The following KDM1B variants were observed in gnomAD, a reference collection of about 807,000 sequenced individuals.
KDM1B encodes the protein lysine-specific histone demethylase 2.
KDM1B carries 63 observed loss-of-function variants against 107.4 expected under a neutral mutation model. The ratio of observed to expected loss-of-function variants is 0.59; its 90% CI spans 0.48 to 0.72. The LOEUF (loss-of-function observed/expected upper bound fraction) is 0.72. Among genes scored for constraint, KDM1B ranks in the 30% least tolerant of loss-of-function variants. The probability of loss-of-function intolerance (pLI) is 0.00; values close to 1 mark genes in which losing one functional copy is unlikely to be tolerated. For synonymous variants in KDM1B, 363 were observed against 363.9 expected (o/e 1.00, Z 0.03); for missense variants, 749 against 1,020.8 (o/e 0.73, Z 3.63).
At chr6:18,181,374 A>G (rs180758277) in intron 7 of KDM1B, among the ~76,000 whole-genome samples, 4 of 152,362 alleles carry the variant, frequency 2.6e-5, no homozygotes, top group Admixed American at 2.6e-4. Flanking sequence ...AAAGGAAGCC[A>G]AAGTGAAATA....
chr6:18,172,994 G>A lies in KDM1B; in HGVS notation c.534+1515G>A, dbSNP rs1785754448. On this transcript the variant is annotated intron_variant, in intron 7 of 21. Coordinates refer to ENST00000650836, the MANE Select transcript of KDM1B (RefSeq NM_001364614.2). This position sits in a 1 kb window ranked among gnomAD's most constrained non-coding sequence, Gnocchi z 5.2. ...AATCTCAGCTACTCGGGAGGCTAAG[G>A]TAGGAGAATCACTTGAACCCGGGAG... is the stretch of plus-strand genomic sequence containing the variant. Among the ~76,000 whole-genome samples, 1 of 151,702 alleles carries A rather than the reference G, an allele frequency of 6.6e-6. No homozygotes were observed. Among genetic ancestry groups the A allele is most frequent in the African/African-American group, 2.4e-5 (1 of 41,272 alleles).
chr6:18,194,663 C>T (rs959210301), intron 10 of KDM1B, among the ~76,000 whole-genome samples: 2 of 151,008 alleles, frequency 1.3e-5, no homozygotes, highest in African/African-American at 4.9e-5. Flanking sequence ...TATTTTTTTC[C>T]TTCTTATTTT....
rs1682669238 is a variant in KDM1B, at chr6:18,212,973, C to T, written c.1983+369C>T. 6.6e-6 allele frequency among the ~76,000 whole-genome samples: 1 copy of T among 152,056 alleles called. No homozygotes were observed. Among genetic ancestry groups the T allele is most frequent in the Admixed American group, 6.6e-5 (1 of 15,256 alleles). On this transcript the variant is annotated intron_variant, in intron 18 of 21. Transcript: ENST00000650836. This position sits in a 1 kb window ranked among gnomAD's most constrained non-coding sequence, Gnocchi z 5.2. ...CTCCTGCCTTTAATATCTCCTGTAGCAGAATGGGCCAGTGCTGCAGCAGAT... is the reference window on the plus strand; with the variant it reads ...CTCCTGCCTTTAATATCTCCTGTAGTAGAATGGGCCAGTGCTGCAGCAGAT...
chr6:18,212,320 C>A lies in KDM1B; in HGVS notation c.1867-168C>A, dbSNP rs527292185. 4.5e-6 allele frequency: 3 copies of A among 660,772 alleles called. No individual in the cohort carries two copies. The highest frequency in any genetic ancestry group is 5.0e-5 in the East Asian group (2 of 39,772). 40.9% of individuals were successfully genotyped at this position (660,772 alleles called of 1,614,324 possible). A position where few individuals can be genotyped will look rare whatever the true frequency, so the allele number is the denominator to read the frequency against. On this transcript the variant is annotated intron_variant, in intron 17 of 21. Transcript: ENST00000650836. The surrounding 1 kb of genome is among the most constrained non-coding windows in gnomAD (Gnocchi z 5.2). ...TGCCCACTCTTCCCTGTGGTTGCCA[C>A]TTCTGCTTAGCCAGGCATTGGCACC...
In KDM1B at chr6:18,200,083, A is replaced by C. The variant is rs1361795145; in HGVS notation, c.1222-356A>C. 6.6e-6 allele frequency among the ~76,000 whole-genome samples: 1 copy of C among 152,162 alleles called. No individual in the cohort carries two copies. Among genetic ancestry groups the C allele is most frequent in the Non-Finnish European group, 1.5e-5 (1 of 68,028 alleles). Reference sequence around the variant, plus strand: ...GAGACAGGGTTTCACCATGTTGGCCAAACTGGTCACAAACTCTTGGCCTCA... The same window carrying C: ...GAGACAGGGTTTCACCATGTTGGCCCAACTGGTCACAAACTCTTGGCCTCA... On this transcript the variant is annotated intron_variant, in intron 12 of 21. Coordinates refer to ENST00000650836, the MANE Select transcript of KDM1B (RefSeq NM_001364614.2). The surrounding 1 kb of genome is among the most constrained non-coding windows in gnomAD (Gnocchi z 4.3).
chr6:18,198,362 A>G (rs1787792296), intron 12 of KDM1B, among the ~76,000 whole-genome samples: 1 of 151,604 alleles, frequency 6.6e-6, no homozygotes, highest in African/African-American at 2.4e-5. Flanking sequence ...AAATCTATTT[A>G]TTTATTTTGA....
At chr6:18,190,447 A>T (rs1477563111) in intron 9 of KDM1B, among the ~76,000 whole-genome samples, 6 of 150,952 alleles carry the variant, frequency 4.0e-5, no homozygotes, top group Non-Finnish European at 7.4e-5. Flanking sequence ...AAAAAAAAAA[A>T]AAAAATTAGC....
rs528451430 is a variant in KDM1B, at chr6:18,172,130, G to C, written c.534+651G>C. The stretch of plus-strand genomic sequence containing the variant: ...CACTAAACAAAGCCGGATCCTATTA[G>C]TGAGGAAGAAAAGATTAATTGATAT... On this transcript the variant is annotated intron_variant, in intron 7 of 21. Coordinates refer to ENST00000650836, the MANE Select transcript of KDM1B (RefSeq NM_001364614.2). This position sits in a 1 kb window ranked among gnomAD's most constrained non-coding sequence, Gnocchi z 5.2. Among the ~76,000 whole-genome samples, 4 of 152,314 alleles carry C rather than the reference G, an allele frequency of 2.6e-5. No homozygotes were observed. Among genetic ancestry groups the C allele is most frequent in the Non-Finnish European group, 4.4e-5 (3 of 68,034 alleles).
rs543707064 is a variant in KDM1B at position 18,176,307 on chromosome 6, A to G, written c.534+4828A>G. The stretch of plus-strand genomic sequence containing the variant: ...ACTGATCTGTGTACATTAATCTTGT[A>G]TCTGGAAACTTTGCTAACTTCTTTT... On this transcript the variant is annotated intron_variant, in intron 7 of 21. Transcript: ENST00000650836. Among the ~76,000 whole-genome samples the G allele has an allele frequency of 2.4e-3, 358 of 152,276 alleles. 1 individual carries two copies. Among genetic ancestry groups the G allele is most frequent in the African/African-American group, 8.2e-3 (340 of 41,546 alleles).
rs1160867312 is a variant in KDM1B, at chr6:18,211,029, T to G, written c.1867-1459T>G. Among the ~76,000 whole-genome samples, 1 of 152,192 alleles carries G rather than the reference T, an allele frequency of 6.6e-6. No homozygotes were observed. Among genetic ancestry groups the G allele is most frequent in the Non-Finnish European group, 1.5e-5 (1 of 68,024 alleles). ...AAGGGGAAAAAAATCTAGATTTTATTTATTTTCTTGCAATTTAATTGGATA... is the reference window on the plus strand; with the variant it reads ...AAGGGGAAAAAAATCTAGATTTTATGTATTTTCTTGCAATTTAATTGGATA... On this transcript the variant is annotated intron_variant, in intron 17 of 21. Transcript: ENST00000650836. The surrounding 1 kb of genome is among the most constrained non-coding windows in gnomAD (Gnocchi z 5.2).
Position 18,212,830 on chromosome 6 carries a change from T to C in KDM1B, c.1983+226T>C, listed in dbSNP as rs1788949327. ...GTTTTGACTTTAGGAGAAAGAATCT[T>C]GTTATTCACAATTTGAATTTGGTAT... On this transcript the variant is annotated intron_variant, in intron 18 of 21. Transcript: ENST00000650836. This position sits in a 1 kb window ranked among gnomAD's most constrained non-coding sequence, Gnocchi z 5.2. Among the ~76,000 whole-genome samples, 1 of 152,236 alleles carries C rather than the reference T, an allele frequency of 6.6e-6. No individual in the cohort carries two copies. Among genetic ancestry groups the C allele is most frequent in the African/African-American group, 2.4e-5 (1 of 41,464 alleles).
intron 10 of KDM1B, among the ~76,000 whole-genome samples, chr6:18,193,298 CTTTTTTT>C (rs61133563): frequency 3.3e-5 from 3 of 90,076 alleles, no homozygotes; most frequent in Non-Finnish European, 4.4e-5. Context: ...TGTGTGCTTT[CTTTTTTT>C]TTTTTTTTTT....
rs1405376116 is a variant in KDM1B, at chr6:18,171,295, G to T, written c.418-68G>T. ...ACAGGTTGGAGAAGATGACCAAGTG[G>T]TGGAGGATAGAAATGGTAACTGAAG... On this transcript the variant is annotated intron_variant, in intron 6 of 21. Coordinates refer to ENST00000650836, the MANE Select transcript of KDM1B (RefSeq NM_001364614.2). 3 of 830,796 alleles carry T rather than the reference G, an allele frequency of 3.6e-6. No homozygotes were observed. In the Admixed American group the frequency reaches 5.1e-5, roughly 14 times the overall value. 51.5% of individuals were successfully genotyped at this position (830,796 alleles called of 1,614,324 possible).
chr6:18,208,646 T>A (rs1390011406), intron 17 of KDM1B, among the ~76,000 whole-genome samples: 3 of 67,248 alleles, frequency 4.5e-5, no homozygotes, highest in Non-Finnish European at 5.9e-5. Context: ...TTTTTTTTTT[T>A]TTTTTTTTTT....
chr6:18,172,856 G>T lies in KDM1B; in HGVS notation c.534+1377G>T, dbSNP rs532475843. ...TGTAATCCCAGCACTTTGGGAGGCC[G>T]AGATGGGCGGATCACCCGAGGTCAG... On this transcript the variant is annotated intron_variant, in intron 7 of 21. Coordinates refer to ENST00000650836, the MANE Select transcript of KDM1B (RefSeq NM_001364614.2). The surrounding 1 kb of genome is among the most constrained non-coding windows in gnomAD (Gnocchi z 5.2). Among the ~76,000 whole-genome samples the T allele has an allele frequency of 1.6e-4, 24 of 152,174 alleles. No homozygotes were observed. Among genetic ancestry groups the T allele is most frequent in the Admixed American group, 1.3e-3 (20 of 15,264 alleles).
rs560357484 is a variant in KDM1B, at chr6:18,222,487, A to G, written c.*495A>G. On this transcript the variant is annotated 3_prime_UTR_variant, in exon 22 of 22. Coordinates refer to ENST00000650836, the MANE Select transcript of KDM1B (RefSeq NM_001364614.2). ...AATATTGAGCTTTTACTTAAAATTT[A>G]GATAGAACTTTTTTTTGGATACAGC... The G allele has an allele frequency of 5.0e-6, 1 of 201,576 alleles. No homozygotes were observed. Among genetic ancestry groups the G allele is most frequent in the Admixed American group, 5.5e-5 (1 of 18,222 alleles). 12.5% of individuals were successfully genotyped at this position (201,576 alleles called of 1,614,324 possible).
rs1306422029 is a variant in KDM1B, at chr6:18,171,364, T to C, written c.419T>C (p.Val140Ala). 48 of 1,512,340 alleles carry C rather than the reference T, an allele frequency of 3.2e-5. No homozygotes were observed. Among genetic ancestry groups the C allele is most frequent in the Non-Finnish European group, 4.1e-5 (45 of 1,087,142 alleles). The allele number at this position is 1,512,340 out of a possible 1,614,324, so 93.7% of individuals were successfully genotyped here. The change falls in exon 7 of 22, where the codon GTT (valine) becomes GCT (alanine). Residue 140 changes from valine (V) to alanine (A), a missense_variant and splice_region_variant. Transcript: ENST00000650836. ...CTTGACTTGATACTTCCCATCTAGG[T>C]TCAGTGTACAAAACCTGAGTGTAGA... Reference protein sequence around the residue: ...FMADQQLPYWVQCTKPECRKW... With the variant: ...FMADQQLPYWAQCTKPECRKW...
rs1234320289 is a variant in KDM1B, at chr6:18,222,149, C to G, written c.*157C>G. On this transcript the variant is annotated 3_prime_UTR_variant, in exon 22 of 22. Transcript: ENST00000650836. ...GATAATGCAAACCTATTTCATCACT[C>G]TAAAAGCACTGACCTCAAAAAACCT... is the stretch of plus-strand genomic sequence containing the variant. 1.3e-6 allele frequency: 1 copy of G among 743,770 alleles called. No homozygotes were observed. The highest frequency in any genetic ancestry group is 1.5e-5 in the South Asian group (1 of 68,370). 46.1% of individuals were successfully genotyped at this position (743,770 alleles called of 1,614,324 possible). A position where few individuals can be genotyped will look rare whatever the true frequency, so the allele number is the denominator to read the frequency against.
rs1235447953 is a variant in KDM1B, at chr6:18,215,131, TGA to T, written c.2232+10_2232+11del. On this transcript the variant is annotated splice_donor_region_variant and intron_variant, in intron 20 of 21. Transcript: ENST00000650836. Reference sequence around the variant, plus strand: ...CTCCGGGAGCTGTTCAAGGAGCAGGTGAGAGAGAGGAAGCCCTCCTTGAAAGG... The same window carrying T: ...CTCCGGGAGCTGTTCAAGGAGCAGGTGAGAGAGGAAGCCCTCCTTGAAAGG... The T allele has an allele frequency of 2.5e-6, 4 of 1,610,566 alleles. No individual in the cohort carries two copies. Among genetic ancestry groups the T allele is most frequent in the Non-Finnish European group, 8.5e-7 (1 of 1,179,212 alleles).
Sources: gnomAD v4.1 joint callset for allele counts (sites outside exome capture counted in the v4.1 genomes callset) on GRCh38, gnomAD v4.1.1 for gene constraint, Gnocchi (gnomAD v3.1) non-coding constraint, MANE v1.5 for transcripts, NCBI Gene and HGNC (gene_info 2026-07-23, HGNC 2026-07-21) for gene names.